Variants in NXN observed in about 807,000 individuals in gnomAD.
NXN encodes nucleoredoxin 1.
Under a neutral mutation model 48.6 loss-of-function variants are expected in NXN, and 16 were observed. The ratio of observed to expected loss-of-function variants is 0.33; its 90% confidence interval spans 0.22 to 0.50. The LOEUF is 0.50. Ranked by LOEUF, NXN falls within the 20% of genes least tolerant of loss-of-function variation. The pLI, the probability that NXN is intolerant of heterozygous loss-of-function variation, is 0.98. For missense variants in NXN, 492 were observed against 605.5 expected, an observed-to-expected ratio of 0.81 and a Z score of 1.97; for synonymous variants, 281 against 269.6, an observed-to-expected ratio of 1.04 and a Z score of -0.41.
intron 7 of NXN, among the ~76,000 whole-genome samples, chr17:803,053 A>G (rs1256518152): frequency 6.6e-6 from 1 of 152,168 alleles, no homozygotes; most frequent in East Asian, 1.9e-4. Context: ...GCCCGTCTGC[A>G]GGGTGCAGGG....
chr17:903,812 C>T (rs991176433), intron 1 of NXN, among the ~76,000 whole-genome samples: 3 of 152,202 alleles, frequency 2.0e-5, no homozygotes, highest in Non-Finnish European at 4.4e-5. Context: ...AGTCATACAA[C>T]GTATTATGAC....
chr17:872,310 G>A (rs908744890), intron 1 of NXN, among the ~76,000 whole-genome samples: 3 of 85,462 alleles, frequency 3.5e-5, no homozygotes, highest in African/African-American at 1.2e-4. Context: ...AAGACTAGGA[G>A]AGAGAGAGAG....
chr17:829,071 A>G (rs887548796), intron 1 of NXN, among the ~76,000 whole-genome samples: 2 of 149,394 alleles, frequency 1.3e-5, no homozygotes, highest in African/African-American at 4.9e-5. Flanking sequence ...CTTCACCAAC[A>G]TTATCACTGT....
intron 1 of NXN, among the ~76,000 whole-genome samples, chr17:827,394 G>C (rs867556226): frequency 6.6e-6 from 1 of 152,124 alleles, no homozygotes. Context: ...AGGCTGAGGC[G>C]GGTGGATCAC....
intron 5 of NXN, among the ~76,000 whole-genome samples, chr17:809,410 G>A (rs544235694): frequency 1.2e-4 from 19 of 152,302 alleles, no homozygotes; most frequent in South Asian, 6.2e-4. Flanking sequence ...AGCCAGGTGC[G>A]CCGAGACTGT....
chr17:896,857 A>AGGCGGG, intron 1 of NXN: 1 of 577,954 alleles, frequency 1.7e-6, no homozygotes, highest in Non-Finnish European at 2.7e-6. Flanking sequence ...GGTCCTGACC[A>AGGCGGG]CCCGCCCCCG....
At chr17:939,779 T>C (rs931360505) in intron 1 of NXN, among the ~76,000 whole-genome samples, 1 of 152,218 alleles carries the variant, frequency 6.6e-6, no homozygotes, top group African/African-American at 2.4e-5. Flanking sequence ...ACATCCATGC[T>C]TCTAGCTAGG....
chr17:965,940 C>T lies in NXN; in HGVS notation c.360+13379G>A, dbSNP rs370940047. Reference sequence around the variant, plus strand: ...GACCAGCCTGACCAACATGGTGGAACCCTGTCTCTACTAAAAATACAAACA... The same window carrying T: ...GACCAGCCTGACCAACATGGTGGAATCCTGTCTCTACTAAAAATACAAACA... On this transcript the variant is annotated intron_variant, in intron 1 of 7. Coordinates refer to ENST00000336868, the MANE Select transcript of NXN (RefSeq NM_022463.5). 3.6e-3 allele frequency among the ~76,000 whole-genome samples: 547 copies of T among 151,900 alleles called. 4 individuals carry two copies. The South Asian group carries it at 0.036, about 10-fold the overall frequency.
At chr17:852,868 G>A (rs1163252685) in intron 1 of NXN, among the ~76,000 whole-genome samples, 1 of 152,168 alleles carries the variant, frequency 6.6e-6, no homozygotes, top group Non-Finnish European at 1.5e-5. Flanking sequence ...TGTTTCCCCA[G>A]GATGCCTATT....
intron 1 of NXN, among the ~76,000 whole-genome samples, chr17:841,531 ATGGAGCATCTCACGCCGGCGAG>A (rs1567827784): frequency 3.1e-4 from 20 of 63,594 alleles, no homozygotes; most frequent in East Asian, 1.3e-3. Flanking sequence ...CCCCCCGACC[ATGGAGCATCTCACGCCGGCGAG>A]CAGGTCCCCC....
In NXN at chr17:835,349, G is replaced by A. The variant is rs550600648; in HGVS notation, c.361-9271C>T. Among the ~76,000 whole-genome samples, 201 of 150,360 alleles carry A rather than the reference G, an allele frequency of 1.3e-3. 3 individuals are homozygous for A. Among genetic ancestry groups the A allele is most frequent in the South Asian group, 0.012 (54 of 4,654 alleles). Reference sequence around the variant, plus strand: ...GAAAACGTCATAGCAAACCCCCAACGCCTACAACTCTACTGTTTATGATTA... The same window carrying A: ...GAAAACGTCATAGCAAACCCCCAACACCTACAACTCTACTGTTTATGATTA... On this transcript the variant is annotated intron_variant, in intron 1 of 7. Transcript: ENST00000336868.
chr17:876,638 G>A (rs569881147), intron 1 of NXN, among the ~76,000 whole-genome samples: 3 of 152,288 alleles, frequency 2.0e-5, no homozygotes, highest in South Asian at 4.1e-4. Flanking sequence ...TGTTAGTGTC[G>A]TTCGCTGATA....
chr17:900,913 CTTTTTTTTTTTT>C (rs11367844), intron 1 of NXN, among the ~76,000 whole-genome samples: 12 of 75,862 alleles, frequency 1.6e-4, no homozygotes, highest in South Asian at 4.7e-4. Flanking sequence ...GATCTGCATT[CTTTTTTTTTTTT>C]TTTTTTTTTT....
In NXN at chr17:809,442, T is replaced by A. The variant is rs559890551; in HGVS notation, c.821-4195A>T. On this transcript the variant is annotated intron_variant, in intron 5 of 7. Coordinates refer to ENST00000336868, the MANE Select transcript of NXN (RefSeq NM_022463.5). ...CTGTCCCACGGTTTAGTCTGGTGAC[T>A]TTTCCACTGCCAACGAGACACGGAG... is the stretch of plus-strand genomic sequence containing the variant. Among the ~76,000 whole-genome samples the A allele has an allele frequency of 2.0e-5, 3 of 152,248 alleles. No individual in the cohort carries two copies. In the East Asian group the frequency reaches 5.8e-4, roughly 29 times the overall value.
chr17:828,051 C>CA (rs1913230008), intron 1 of NXN, among the ~76,000 whole-genome samples: 1 of 152,176 alleles, frequency 6.6e-6, no homozygotes, highest in East Asian at 1.9e-4. Flanking sequence ...GGGGGGCTTA[C>CA]AAAACCAGCC....
At chr17:842,660 G>A in intron 1 of NXN, 1 of 643,254 alleles carries the variant, frequency 1.6e-6, no homozygotes. Flanking sequence ...CTTCAGGGCA[G>A]GGTGCAGTGG....
intron 1 of NXN, chr17:905,270 T>TATATATATATATAGAG (rs1488360942): frequency 6.0e-5 from 9 of 149,384 alleles, no homozygotes; most frequent in Non-Finnish European, 1.2e-4. Context: ...TATATATATA[T>TATATATATATATAGAG]ATAGATGCCG....
At chr17:939,436 C>T (rs561323287) in intron 1 of NXN, among the ~76,000 whole-genome samples, 38 of 150,400 alleles carry the variant, frequency 2.5e-4, no homozygotes, top group South Asian at 2.1e-4. Flanking sequence ...ATCTCTGCCT[C>T]GCAGGTTCAA....
chr17:847,719 C>G (rs532763932), intron 1 of NXN, among the ~76,000 whole-genome samples: 1 of 152,022 alleles, frequency 6.6e-6, no homozygotes, highest in African/African-American at 2.4e-5. Flanking sequence ...GAAAGGGTTC[C>G]GTCACACAAT....
Sources: gnomAD v4.1 joint callset for allele counts (sites outside exome capture counted in the v4.1 genomes callset) on GRCh38, gnomAD v4.1.1 for gene constraint, MANE v1.5 for transcripts, NCBI Gene and HGNC (gene_info 2026-07-23, HGNC 2026-07-21) for gene names.